The following LEO1 variants were observed in gnomAD, a reference collection of about 807,000 sequenced individuals.
LEO1 encodes LEO1 component of Paf1/RNA polymerase II complex.
Under a neutral mutation model 80.4 loss-of-function variants are expected in LEO1, and 34 were observed. The ratio of observed to expected loss-of-function variants is 0.42; its 90% confidence interval spans 0.32 to 0.56. The LOEUF (loss-of-function observed/expected upper bound fraction) is 0.56, where lower values mean the gene tolerates loss of function less well. LEO1 is among the 20% of genes least tolerant of loss of function. The pLI, the probability that LEO1 is intolerant of heterozygous loss-of-function variation, is 0.10. For synonymous variants in LEO1, 262 were observed against 274.9 expected, an observed-to-expected ratio of 0.95 and a Z score of 0.46; for missense variants, 631 against 814.2, an observed-to-expected ratio of 0.77 and a Z score of 2.74.
intron 11 of LEO1, among the ~76,000 whole-genome samples, chr15:51,946,221 C>G (rs528098471): frequency 6.6e-6 from 1 of 152,198 alleles, no homozygotes; most frequent in African/African-American, 2.4e-5. Context: ...TGGAGTTTTA[C>G]TCCTGTTGCC....
Position 51,953,264 on chromosome 15 carries a change from C to A in LEO1, c.1341-1G>T. 6.2e-7 allele frequency: 1 copy of A among 1,611,918 alleles called. No individual in the cohort carries two copies. Among genetic ancestry groups the A allele is most frequent in the Non-Finnish European group, 8.5e-7 (1 of 1,179,304 alleles). ...TTCATTGCCTAAATGCAGGGACATG[C>A]TGGAAAGAGAAACATTTCATCTATT... is the stretch of plus-strand genomic sequence containing the variant. On this transcript the variant is annotated splice_acceptor_variant, in intron 7 of 11. Transcript: ENST00000299601. LOFTEE classifies it high-confidence loss of function.
chr15:51,944,699 T>A (rs2056884369), intron 11 of LEO1, among the ~76,000 whole-genome samples: 1 of 152,282 alleles, frequency 6.6e-6, no homozygotes, highest in African/African-American at 2.4e-5. Context: ...TTTTAACAAT[T>A]CCAATTTCAT....
rs370290990 is a variant in LEO1 at position 51,968,569 on chromosome 15, G to A, written c.59-2065C>T. 3.9e-5 allele frequency among the ~76,000 whole-genome samples: 6 copies of A among 152,000 alleles called. No individual in the cohort carries two copies. The East Asian group carries it at 1.2e-3, about 29-fold the overall frequency. On this transcript the variant is annotated intron_variant, in intron 1 of 11. Transcript: ENST00000299601. ...GTGAAGGCCAGGCGCAGTGGCTCAC[G>A]CCTGTAATCCCAGCACTTTGGGAGG...
Position 51,963,231 on chromosome 15 carries a change from G to A in LEO1, c.815-738C>T, listed in dbSNP as rs9888733. Among the ~76,000 whole-genome samples the A allele has an allele frequency of 4.0e-3, 605 of 152,184 alleles. 7 individuals are homozygous for A. Among genetic ancestry groups the A allele is most frequent in the African/African-American group, 0.014 (569 of 41,530 alleles). On this transcript the variant is annotated intron_variant, in intron 2 of 11. Transcript: ENST00000299601. ...ACTGATGGTGCAGTGAGCCAAGATC[G>A]CACCACTGCACTCCAGCCTGGGTGA...
At chr15:51,961,210 C>T (rs2057027450) in intron 3 of LEO1, among the ~76,000 whole-genome samples, 2 of 152,116 alleles carry the variant, frequency 1.3e-5, no homozygotes, top group Admixed American at 1.3e-4. Flanking sequence ...TGGTGAAACC[C>T]CGTCTCTACT....
intron 1 of LEO1, among the ~76,000 whole-genome samples, chr15:51,967,673 G>A (rs2959296): frequency 6.6e-6 from 1 of 152,010 alleles, no homozygotes; most frequent in Non-Finnish European, 1.5e-5. Context: ...TATGAGGAAC[G>A]CTCAATAAGA....
At chr15:51,953,285 C>G (rs1481956556) in intron 7 of LEO1, 22 bp from the exon 8 acceptor site, 3 of 1,611,078 alleles carry the variant, frequency 1.9e-6, no homozygotes, top group Middle Eastern at 3.3e-4. Context: ...AACATTTCAT[C>G]TATTAAAGTC....
intron 8 of LEO1, among the ~76,000 whole-genome samples, chr15:51,952,693 G>C (rs1296832569): frequency 6.6e-6 from 1 of 152,092 alleles, no homozygotes; most frequent in South Asian, 2.1e-4. Flanking sequence ...TAGATGCCGG[G>C]GCCTACGGCA....
chr15:51,971,699 G>A lies in LEO1; in HGVS notation c.47C>T (p.Ala16Val), dbSNP rs533293859. Residue 16 changes from alanine (A) to valine (V), a missense_variant, in exon 1 of 12, where the codon GCT (alanine) becomes GTT (valine). Physicochemically the swap from Ala to Val is moderately conservative, Grantham distance 64. This residue lies in a region of LEO1 where 394 missense variants were observed against 395.6 expected (regional missense o/e 1.00). Transcript: ENST00000299601. ...ACCAGCGAACCCACCTTTACGCTCA[G>A]CTTCGCTGTCGGCGTCGCTCCCGAA... ...DLFGSDADSE[A>V]ERKDSDSGSD... 1 of 1,614,180 alleles carries A rather than the reference G, an allele frequency of 6.2e-7. No homozygotes were observed. The highest frequency in any genetic ancestry group is 8.5e-7 in the Non-Finnish European group (1 of 1,180,036).
chr15:51,948,399 A>G (rs2056920129), intron 10 of LEO1, among the ~76,000 whole-genome samples: 1 of 152,172 alleles, frequency 6.6e-6, no homozygotes, highest in Non-Finnish European at 1.5e-5. Context: ...TTTCCACACA[A>G]TTGAATCTTT....
At chr15:51,953,405 G>A (rs1229502789) in intron 7 of LEO1, 142 bp from the exon 8 acceptor site, 6 of 739,592 alleles carry the variant, frequency 8.1e-6, no homozygotes, top group African/African-American at 1.8e-5. Context: ...GGTGGATCAC[G>A]AGGTCAGGAG....
At chr15:51,969,275 A>T (rs1486535841) in intron 1 of LEO1, among the ~76,000 whole-genome samples, 2 of 151,560 alleles carry the variant, frequency 1.3e-5, no homozygotes, top group African/African-American at 2.4e-5. Context: ...CAATTTTTTT[A>T]AAACAGAGGA....
chr15:51,962,812 G>T (rs1297075832), intron 2 of LEO1, among the ~76,000 whole-genome samples: 1 of 152,106 alleles, frequency 6.6e-6, no homozygotes, highest in Non-Finnish European at 1.5e-5. Context: ...GACTCAAAAG[G>T]GATAGCATAA....
intron 9 of LEO1, among the ~76,000 whole-genome samples, chr15:51,951,192 G>T (rs543082621): frequency 3.8e-4 from 58 of 152,338 alleles, no homozygotes; most frequent in African/African-American, 1.4e-3. Flanking sequence ...GGTGGGCAAA[G>T]GCCAAAATCT....
intron 10 of LEO1, among the ~76,000 whole-genome samples, chr15:51,947,901 A>G (rs1445923809): frequency 6.6e-6 from 1 of 152,234 alleles, no homozygotes; most frequent in Non-Finnish European, 1.5e-5. Flanking sequence ...CCCTCTCAAA[A>G]TACAAAAACC....
intron 3 of LEO1, among the ~76,000 whole-genome samples, chr15:51,961,352 A>AGGTGGTGGT (rs367548538): frequency 2.3e-4 from 32 of 139,968 alleles, no homozygotes; most frequent in South Asian, 1.5e-3. Flanking sequence ...TTATAATACC[A>AGGTGGTGGT]GGTGGTGGTG....
At chr15:51,951,013 T>C (rs1056486822) in intron 9 of LEO1, among the ~76,000 whole-genome samples, 2 of 152,190 alleles carry the variant, frequency 1.3e-5, no homozygotes, top group Non-Finnish European at 2.9e-5. Context: ...TTAGATCTGG[T>C]TTAATCTGTC....
At chr15:51,959,246 C>T (rs1355842471) in intron 5 of LEO1, among the ~76,000 whole-genome samples, 8 of 152,116 alleles carry the variant, frequency 5.3e-5, no homozygotes, top group Non-Finnish European at 7.4e-5. Flanking sequence ...TCAGGTGATC[C>T]GCCCTCCTCG....
At chr15:51,954,281 GGGAGATGGGA>G (rs1419399489) in intron 7 of LEO1, among the ~76,000 whole-genome samples, 190 bp downstream of exon 7, 1 of 151,772 alleles carries the variant, frequency 6.6e-6, no homozygotes, top group Non-Finnish European at 1.5e-5. Context: ...CCAGCTACTT[GGGAGATGGGA>G]GGATCACTTA....
Sources: gnomAD v4.1 joint callset for allele counts (sites outside exome capture counted in the v4.1 genomes callset) on GRCh38, gnomAD v4.1.1 for gene constraint, gnomAD v4.1.1 regional missense constraint, MANE v1.5 for transcripts, NCBI Gene and HGNC (gene_info 2026-07-23, HGNC 2026-07-21) for gene names.